Variants in IL22RA2 observed in about 807,000 individuals in gnomAD.
IL22RA2 encodes the protein interleukin-22 receptor subunit alpha-2.
IL22RA2 carries 39 observed loss-of-function variants against 30.7 expected under a neutral mutation model. The ratio of observed to expected loss-of-function variants is 1.27; its 90% CI spans 0.98 to 1.66. The LOEUF (loss-of-function observed/expected upper bound fraction) is 1.66, where lower values mean the gene tolerates loss of function less well. Among genes scored for constraint, IL22RA2 ranks in the 40% most tolerant of loss-of-function variants. The pLI, the probability that IL22RA2 is intolerant of heterozygous loss-of-function variation, is 0.00. For synonymous variants in IL22RA2, 103 were observed against 105.0 expected (o/e 0.98, Z 0.11); for missense variants, 315 against 312.7 (o/e 1.01, Z -0.05).
At chr6:137,149,940 A>G (rs968706656) in intron 5 of IL22RA2, among the ~76,000 whole-genome samples, 1 of 152,154 alleles carries the variant, frequency 6.6e-6, no homozygotes, top group Non-Finnish European at 1.5e-5. Context: ...CGGCCTCCCA[A>G]AGTGCTGGGA....
chr6:137,161,659 T>A, intron 2 of IL22RA2, 30 bp downstream of exon 2: 1 of 1,577,810 alleles, frequency 6.3e-7, no homozygotes, highest in South Asian at 1.1e-5. Flanking sequence ...GACAAAGCTA[T>A]GAGCAATTAA....
Position 137,173,463 on chromosome 6 carries a change from T to G in IL22RA2, c.-116A>C, listed in dbSNP as rs1210848378. 3 of 152,268 alleles carry G rather than the reference T, an allele frequency of 2.0e-5. No homozygotes were observed. The highest frequency in any genetic ancestry group is 4.4e-5 in the Non-Finnish European group (3 of 68,050). The allele number at this position is 152,268 out of a possible 1,614,324, so 9.4% of individuals were successfully genotyped here. On this transcript the variant is annotated 5_prime_UTR_variant, in exon 1 of 7. Transcript: ENST00000296980. ...TTTAATGCCATTTTAGTGTCAATAA[T>G]AAGATCTAATAATTATGGGACGCCA...
chr6:137,158,532 T>C (rs1778457610), intron 2 of IL22RA2, 50 bp from the exon 3 acceptor site: 1 of 1,598,438 alleles, frequency 6.3e-7, no homozygotes, highest in South Asian at 1.1e-5. Context: ...GGAGCACTGC[T>C]GTTCCCAGCA....
Position 137,154,963 on chromosome 6 carries a change from C to T in IL22RA2, c.450G>A (p.Pro150=), listed in dbSNP as rs757590508. ...CACTTTCCCACCAGGGAGTGAACCG[C>T]GGCGTCATGCTCCATTCTGAGTAGC... is the stretch of plus-strand genomic sequence containing the variant. ...AGSYSEWSMT[P]RFTPWWETKI... The change falls in exon 5 of 7, where the codon CCG becomes CCA. Residue 150 remains proline (P), a synonymous_variant. Transcript: ENST00000296980. 53 of 1,613,974 alleles carry T rather than the reference C, an allele frequency of 3.3e-5. No individual in the cohort carries two copies. The highest frequency in any genetic ancestry group is 1.6e-4 in the Middle Eastern group (1 of 6,084).
intron 4 of IL22RA2, among the ~76,000 whole-genome samples, chr6:137,155,503 T>A (rs1392508174): frequency 1.3e-5 from 2 of 149,870 alleles, no homozygotes; most frequent in African/African-American, 4.9e-5. Context: ...CATATACATA[T>A]ATATACATAT....
rs9389476 is a variant in IL22RA2 at position 137,160,400 on chromosome 6, C to T, written c.61+1289G>A. On this transcript the variant is annotated intron_variant, in intron 2 of 6. Coordinates refer to ENST00000296980, the MANE Select transcript of IL22RA2 (RefSeq NM_052962.3). ...CTCTTACAGACTGAAAAAACGAAGC[C>T]TTGGACACCTGAAGGAGATTGCCAG... Among the ~76,000 whole-genome samples, 2,008 of 152,308 alleles carry T rather than the reference C, an allele frequency of 0.013. 142 individuals are homozygous for T. The South Asian group carries it at 0.22, about 17-fold the overall frequency.
chr6:137,162,861 A>G lies in IL22RA2; in HGVS notation c.-65-1047T>C, dbSNP rs932711548. 2.0e-4 allele frequency among the ~76,000 whole-genome samples: 30 copies of G among 152,348 alleles called. 1 individual carries two copies. Among genetic ancestry groups the G allele is most frequent in the Admixed American group, 1.4e-3 (22 of 15,304 alleles). ...TGGCAAGACAAGATGGTGGACCCTC[A>G]TGCCATTACCCTGTAGACCTGAAGA... On this transcript the variant is annotated intron_variant, in intron 1 of 6. Transcript: ENST00000296980.
chr6:137,163,338 G>A (rs1385375846), intron 1 of IL22RA2, among the ~76,000 whole-genome samples: 1 of 152,052 alleles, frequency 6.6e-6, no homozygotes, highest in Non-Finnish European at 1.5e-5. Flanking sequence ...ACCTTTTTCG[G>A]TCTCTCCAAT....
chr6:137,153,347 G>A (rs757794395), intron 5 of IL22RA2, among the ~76,000 whole-genome samples: 1 of 152,128 alleles, frequency 6.6e-6, no homozygotes, highest in Non-Finnish European at 1.5e-5. Context: ...TTTGAGAGAC[G>A]TCTTGTGAAT....
intron 1 of IL22RA2, among the ~76,000 whole-genome samples, chr6:137,162,422 C>A (rs950324326): frequency 6.6e-6 from 1 of 152,180 alleles, no homozygotes; most frequent in African/African-American, 2.4e-5. Context: ...TTAGCTAATG[C>A]CTCTTCCTCT....
intron 5 of IL22RA2, among the ~76,000 whole-genome samples, chr6:137,154,195 T>G (rs1409151211): frequency 6.6e-6 from 1 of 152,166 alleles, no homozygotes; most frequent in Non-Finnish European, 1.5e-5. Context: ...TGGTCTGCCT[T>G]TTTGGGGAGG....
chr6:137,158,023 A>T (rs1778445082), intron 3 of IL22RA2, among the ~76,000 whole-genome samples: 1 of 152,198 alleles, frequency 6.6e-6, no homozygotes, highest in Non-Finnish European at 1.5e-5. Context: ...GCTATGTGCT[A>T]ATAAGTTGCT....
Position 137,161,882 on chromosome 6 carries a change from T to A in IL22RA2, c.-65-68A>T, listed in dbSNP as rs964623610. The A allele has an allele frequency of 3.0e-5, 17 of 570,642 alleles. No individual in the cohort carries two copies. In the South Asian group the frequency reaches 4.6e-4, roughly 16 times the overall value. 35.3% of individuals were successfully genotyped at this position (570,642 alleles called of 1,614,324 possible). Reference sequence around the variant, plus strand: ...AGATGGTTCCTTGAAGCAACTACAATTTTATTTTGATACTACATTATATTA... The same window carrying A: ...AGATGGTTCCTTGAAGCAACTACAAATTTATTTTGATACTACATTATATTA... On this transcript the variant is annotated intron_variant, in intron 1 of 6. Transcript: ENST00000296980.
chr6:137,173,088 G>A (rs1248555026), intron 1 of IL22RA2, among the ~76,000 whole-genome samples: 1 of 152,194 alleles, frequency 6.6e-6, no homozygotes, highest in East Asian at 1.9e-4. Flanking sequence ...TCTACAAGAT[G>A]TGGCCAGACA....
chr6:137,162,853 G>A (rs1285538092), intron 1 of IL22RA2, among the ~76,000 whole-genome samples: 1 of 152,130 alleles, frequency 6.6e-6, no homozygotes. Flanking sequence ...ACAAGATGGT[G>A]GACCCTCATG....
intron 5 of IL22RA2, among the ~76,000 whole-genome samples, chr6:137,153,529 T>G (rs1778335569): frequency 6.6e-6 from 1 of 152,226 alleles, no homozygotes; most frequent in Non-Finnish European, 1.5e-5. Flanking sequence ...GACATGTTTT[T>G]GTTTCCCATA....
At chr6:137,147,260 G>A (rs1778198978) in intron 6 of IL22RA2, among the ~76,000 whole-genome samples, 1 of 149,524 alleles carries the variant, frequency 6.7e-6, no homozygotes, top group South Asian at 2.1e-4. Context: ...TACTCAGGAG[G>A]CTGAAGAAGG....
intron 1 of IL22RA2, among the ~76,000 whole-genome samples, chr6:137,170,657 G>A (rs936792615): frequency 3.9e-5 from 6 of 152,074 alleles, no homozygotes; most frequent in Non-Finnish European, 5.9e-5. Context: ...TAGCTGAGCC[G>A]GTGATCACCT....
intron 5 of IL22RA2, among the ~76,000 whole-genome samples, chr6:137,148,117 C>T (rs978036986): frequency 1.3e-5 from 2 of 152,096 alleles, no homozygotes; most frequent in Non-Finnish European, 2.9e-5. Flanking sequence ...ATTTGAATCT[C>T]GAACCTTTAT....
Sources: gnomAD v4.1 joint callset for allele counts (sites outside exome capture counted in the v4.1 genomes callset) on GRCh38, gnomAD v4.1.1 for gene constraint, MANE v1.5 for transcripts, NCBI Gene and HGNC (gene_info 2026-07-23, HGNC 2026-07-21) for gene names.